Variants in DCC observed in about 807,000 individuals in gnomAD.
DCC encodes the protein DCC netrin 1 receptor.
DCC carries 58 observed loss-of-function variants against 172.5 expected under a neutral mutation model. The ratio of observed to expected loss-of-function variants is 0.34; its 90% CI spans 0.27 to 0.42. DCC has a LOEUF of 0.42. Ranked by LOEUF, DCC falls within the 10% of genes least tolerant of loss-of-function variation. The probability of loss-of-function intolerance (pLI) is 1.00; values close to 1 mark genes in which losing one functional copy is unlikely to be tolerated. For synonymous variants in DCC, 709 were observed against 644.5 expected, an observed-to-expected ratio of 1.10 and a Z score of -1.52; for missense variants, 1,740 against 1,791.0, an observed-to-expected ratio of 0.97 and a Z score of 0.51.
At chr18:52,599,147 A>T (rs149626782) in intron 1 of DCC, among the ~76,000 whole-genome samples, 1 of 152,266 alleles carries the variant, frequency 6.6e-6, no homozygotes, top group East Asian at 1.9e-4. Flanking sequence ...GGAGAGAAAT[A>T]CTGGAGCCAG....
rs762060049 is a variant in DCC at position 52,478,607 on chromosome 18, T to C, written c.91+137729T>C. ...TGCAGGCTGTACAGGAAGCATGCTG[T>C]TGGCATCTGCTCAGCTTCTGGGGAA... On this transcript the variant is annotated intron_variant, in intron 1 of 28. Transcript: ENST00000442544. Among the ~76,000 whole-genome samples, 10 of 152,304 alleles carry C rather than the reference T, an allele frequency of 6.6e-5. No homozygotes were observed. The South Asian group carries it at 1.2e-3, about 19-fold the overall frequency.
chr18:52,537,662 T>C (rs1218931654), intron 1 of DCC, among the ~76,000 whole-genome samples: 1 of 151,980 alleles, frequency 6.6e-6, no homozygotes, highest in African/African-American at 2.4e-5. Flanking sequence ...AAGAAAACAA[T>C]GACGACGAAT....
At position 53,047,428 on chromosome 18, in the gene DCC, CATATATATATAT is replaced by C. The variant is rs58797605; in HGVS notation, c.986-15853_986-15842del. ...TATATTTTATGTATTATATATTTTA[CATATATATATAT>C]ATATATATATATATATATATATACC... On this transcript the variant is annotated intron_variant, in intron 5 of 28. Coordinates refer to ENST00000442544, the MANE Select transcript of DCC (RefSeq NM_005215.4). 2.7e-3 allele frequency among the ~76,000 whole-genome samples: 137 copies of C among 50,048 alleles called. 2 individuals carry two copies. The highest frequency in any genetic ancestry group is 7.1e-3 in the African/African-American group (107 of 15,112). 32.8% of individuals were successfully genotyped at this position (50,048 alleles called of 152,430 possible).
intron 7 of DCC, among the ~76,000 whole-genome samples, chr18:53,137,636 A>C (rs954670922): frequency 6.6e-6 from 1 of 152,202 alleles, no homozygotes; most frequent in Non-Finnish European, 1.5e-5. Flanking sequence ...GTGGAAGTAC[A>C]GTCATCTTAG....
intron 27 of DCC, among the ~76,000 whole-genome samples, chr18:53,526,389 A>G (rs1246060689): frequency 2.0e-5 from 3 of 152,136 alleles, no homozygotes; most frequent in African/African-American, 7.2e-5. Flanking sequence ...TCTACTTGCA[A>G]TTACATATGG....
At chr18:52,535,158 A>C (rs1476713306) in intron 1 of DCC, among the ~76,000 whole-genome samples, 1 of 152,228 alleles carries the variant, frequency 6.6e-6, no homozygotes, top group African/African-American at 2.4e-5. Context: ...ATCAATAATC[A>C]ATCAAAGAAC....
intron 1 of DCC, among the ~76,000 whole-genome samples, chr18:52,472,289 C>A (rs1198766443): frequency 6.6e-6 from 1 of 152,132 alleles, no homozygotes; most frequent in Non-Finnish European, 1.5e-5. Flanking sequence ...GTCTCCCCAC[C>A]AACCCAGCTT....
At chr18:52,445,521 T>C (rs1221469393) in intron 1 of DCC, among the ~76,000 whole-genome samples, 1 of 152,218 alleles carries the variant, frequency 6.6e-6, no homozygotes, top group Non-Finnish European at 1.5e-5. Context: ...ATATATTGTG[T>C]GCTCTTCAAA....
chr18:52,974,563 C>T (rs934425231), intron 5 of DCC, among the ~76,000 whole-genome samples: 2 of 152,120 alleles, frequency 1.3e-5, no homozygotes, highest in African/African-American at 4.8e-5. Flanking sequence ...CTTGAAAAGC[C>T]ACAGGGTGGC....
chr18:52,783,214 T>C (rs11659663), intron 2 of DCC, among the ~76,000 whole-genome samples: 86,650 of 151,634 alleles, frequency 0.57, 28,117 homozygotes, highest in East Asian at 0.87. Flanking sequence ...CATTCCTACT[T>C]GTTCTTTTTA....
Position 53,019,399 on chromosome 18 carries a change from C to T in DCC, c.986-43906C>T, listed in dbSNP as rs573207821. 2.0e-5 allele frequency among the ~76,000 whole-genome samples: 3 copies of T among 152,236 alleles called. No homozygotes were observed. The East Asian group carries it at 5.8e-4, about 29-fold the overall frequency. On this transcript the variant is annotated intron_variant, in intron 5 of 28. Transcript: ENST00000442544. ...GAAATGAGACTTTCAAAATGAAGAA[C>T]AACTTAAGCCATTGTCATGAGCTAC... is the stretch of plus-strand genomic sequence containing the variant.
At chr18:52,375,828 C>A (rs147276667) in intron 1 of DCC, among the ~76,000 whole-genome samples, 8 of 152,180 alleles carry the variant, frequency 5.3e-5, no homozygotes, top group Non-Finnish European at 1.5e-5. Context: ...TCTGGGAATA[C>A]TGGGAGTACC....
chr18:53,406,425 C>A (rs62100026), intron 19 of DCC, among the ~76,000 whole-genome samples: 4 of 144,318 alleles, frequency 2.8e-5, no homozygotes. Flanking sequence ...GAGAAAGAGG[C>A]CAGGCGTAGT....
At chr18:52,806,469 T>C (rs888377980) in intron 2 of DCC, among the ~76,000 whole-genome samples, 1 of 152,212 alleles carries the variant, frequency 6.6e-6, no homozygotes, top group Non-Finnish European at 1.5e-5. Context: ...TTTAGTGCCC[T>C]GAAGCTAATA....
At chr18:53,012,006 C>T (rs2143882475) in intron 5 of DCC, among the ~76,000 whole-genome samples, 1 of 151,876 alleles carries the variant, frequency 6.6e-6, no homozygotes, top group African/African-American at 2.4e-5. Context: ...CCCTTAGGCA[C>T]CCACCAGATT....
At chr18:52,444,572 A>C (rs1386471310) in intron 1 of DCC, among the ~76,000 whole-genome samples, 2 of 152,200 alleles carry the variant, frequency 1.3e-5, no homozygotes, top group East Asian at 3.8e-4. Flanking sequence ...CATGTTTGGC[A>C]TTTTATTTTG....
intron 3 of DCC, among the ~76,000 whole-genome samples, chr18:52,911,813 C>G (rs542374207): frequency 2.0e-5 from 3 of 151,510 alleles, no homozygotes; most frequent in African/African-American, 7.3e-5. Flanking sequence ...TTCTCTTATA[C>G]CAGGGTATAA....
intron 9 of DCC, among the ~76,000 whole-genome samples, chr18:53,201,136 C>T (rs577100015): frequency 6.6e-6 from 1 of 152,242 alleles, no homozygotes; most frequent in East Asian, 1.9e-4. Flanking sequence ...CCCCCAGATA[C>T]CCACTCATCT....
chr18:52,631,763 C>A (rs2034680224), intron 1 of DCC, among the ~76,000 whole-genome samples: 1 of 152,188 alleles, frequency 6.6e-6, no homozygotes, highest in African/African-American at 2.4e-5. Flanking sequence ...CTGATCTTCT[C>A]ACCTCAATTG....
Sources: gnomAD v4.1 joint callset for allele counts (sites outside exome capture counted in the v4.1 genomes callset) on GRCh38, gnomAD v4.1.1 for gene constraint, MANE v1.5 for transcripts, NCBI Gene and HGNC (gene_info 2026-07-23, HGNC 2026-07-21) for gene names.